DOCK3: variants seen among roughly 807,000 people sequenced by gnomAD.
DOCK3 encodes the protein dedicator of cytokinesis protein 3.
In DOCK3, 60 loss-of-function variants were observed where a neutral mutation model predicts 265.6. That is an observed-to-expected ratio of 0.23 (90% CI 0.18 to 0.28). The LOEUF (loss-of-function observed/expected upper bound fraction) is 0.28, where lower values mean the gene tolerates loss of function less well. Ranked by LOEUF, DOCK3 falls within the 10% of genes least tolerant of loss-of-function variation. DOCK3 has a pLI of 1.00. For missense variants in DOCK3, 1,981 were observed against 2,594.3 expected (o/e 0.76, Z 5.14); for synonymous variants, 881 against 938.0 (o/e 0.94, Z 1.11).
rs994384358 is a variant in DOCK3 at position 50,677,893 on chromosome 3, G to A, written c.37+2593G>A. Among the ~76,000 whole-genome samples, 46 of 152,092 alleles carry A rather than the reference G, an allele frequency of 3.0e-4. 1 individual carries two copies. The highest frequency in any genetic ancestry group is 2.1e-4 in the Non-Finnish European group (14 of 68,010). Reference sequence around the variant, plus strand: ...TGATGACTGAGCCCCCCTTTCCATTGTAATATTCTGTGAGTGATTTTAGGC... The same window carrying A: ...TGATGACTGAGCCCCCCTTTCCATTATAATATTCTGTGAGTGATTTTAGGC... On this transcript the variant is annotated intron_variant, in intron 1 of 52. Transcript: ENST00000266037.
rs190201709 is a variant in DOCK3 at position 50,886,208 on chromosome 3, A to T, written c.163-3818A>T. 2.9e-4 allele frequency among the ~76,000 whole-genome samples: 40 copies of T among 136,928 alleles called. 1 individual carries two copies. The highest frequency in any genetic ancestry group is 1.9e-3 in the Admixed American group (26 of 13,452). The allele number at this position is 136,928 out of a possible 152,430, so 89.8% of individuals were successfully genotyped here. The stretch of plus-strand genomic sequence containing the variant: ...TGGAGATATATATATATATATATAT[A>T]TTCCAGAGTTTTTAGGTATGCACTA... On this transcript the variant is annotated intron_variant, in intron 3 of 52. Transcript: ENST00000266037.
chr3:50,839,776 C>T (rs2045728476), intron 2 of DOCK3, among the ~76,000 whole-genome samples: 1 of 126,592 alleles, frequency 7.9e-6, no homozygotes, highest in Non-Finnish European at 1.7e-5. Flanking sequence ...CTCCTCTCCT[C>T]TTCTTTTTTT....
At chr3:51,304,448 T>TCCTCC (rs1249300894) in intron 27 of DOCK3, among the ~76,000 whole-genome samples, 13 of 151,418 alleles carry the variant, frequency 8.6e-5, no homozygotes, top group African/African-American at 1.5e-4. Context: ...CCCCTCCCCC[T>TCCTCC]CCTCCCCTGC....
At chr3:50,778,234 T>C (rs1454761697) in intron 1 of DOCK3, among the ~76,000 whole-genome samples, 4 of 152,338 alleles carry the variant, frequency 2.6e-5, no homozygotes, top group African/African-American at 7.2e-5. Flanking sequence ...ATTTTTATCA[T>C]GAGAATTCTG....
intron 27 of DOCK3, among the ~76,000 whole-genome samples, chr3:51,285,038 T>C (rs2081333759): frequency 6.6e-6 from 1 of 152,190 alleles, no homozygotes; most frequent in South Asian, 2.1e-4. Flanking sequence ...CTTTTAACAT[T>C]TGCAGCTACA....
intron 12 of DOCK3, among the ~76,000 whole-genome samples, chr3:51,178,470 A>G (rs566921772): frequency 1.3e-5 from 2 of 152,168 alleles, no homozygotes; most frequent in African/African-American, 4.8e-5. Context: ...TCACACCCCC[A>G]TTCTGGAGGA....
intron 12 of DOCK3, among the ~76,000 whole-genome samples, chr3:51,178,652 G>A (rs1345179454): frequency 6.6e-6 from 1 of 152,146 alleles, no homozygotes; most frequent in Non-Finnish European, 1.5e-5. Context: ...CACAGGGATA[G>A]AAGAGTCATT....
In DOCK3 at chr3:51,249,541, G is replaced by T. The variant is rs1443482184; in HGVS notation, c.2184+2734G>T. ...CCCGCCCGGCCAGCCGCCCGGTCCG[G>T]GAGGGAGGTGGGCGGGTCAGCCCCC... On this transcript the variant is annotated intron_variant, in intron 22 of 52. Transcript: ENST00000266037. Among the ~76,000 whole-genome samples, 87 of 103,574 alleles carry T rather than the reference G, an allele frequency of 8.4e-4. 6 individuals are homozygous for T. The highest frequency in any genetic ancestry group is 1.6e-3 in the Non-Finnish European group (74 of 46,948). The allele number at this position is 103,574 out of a possible 152,430, so 67.9% of individuals were successfully genotyped here.
At chr3:50,724,472 A>C (rs1322635959) in intron 1 of DOCK3, among the ~76,000 whole-genome samples, 1 of 152,252 alleles carries the variant, frequency 6.6e-6, no homozygotes, top group Non-Finnish European at 1.5e-5. Context: ...CTGGATAAAG[A>C]AAATGTAGCA....
intron 27 of DOCK3, among the ~76,000 whole-genome samples, chr3:51,289,223 T>C (rs1412806183): frequency 6.6e-6 from 1 of 152,134 alleles, no homozygotes; most frequent in Non-Finnish European, 1.5e-5. Flanking sequence ...TTCTCACTTA[T>C]AAGTGGGAGC....
At chr3:51,034,613 C>G (rs953569512) in intron 5 of DOCK3, among the ~76,000 whole-genome samples, 2 of 151,866 alleles carry the variant, frequency 1.3e-5, no homozygotes, top group Non-Finnish European at 2.9e-5. Context: ...ATGGTTTTTT[C>G]TTTAATCAAT....
At position 51,016,423 on chromosome 3, in the gene DOCK3, C is replaced by CATATATATATCATATATTTCTACATATG. The variant is rs1559943426; in HGVS notation, c.316-47998_316-47971dup. ...TACATATATATATCATATATTTCTA[C>CATATATATATCATATATTTCTACATATG]ATATATATATCATATATTTCTACAT... On this transcript the variant is annotated intron_variant, in intron 5 of 52. Coordinates refer to ENST00000266037, the MANE Select transcript of DOCK3 (RefSeq NM_004947.5). Among the ~76,000 whole-genome samples, 2 of 794 alleles carry CATATATATATCATATATTTCTACATATG rather than the reference C, an allele frequency of 2.5e-3. 1 individual carries two copies. The highest frequency in any genetic ancestry group is 3.2e-3 in the Non-Finnish European group (2 of 616). 0.5% of individuals were successfully genotyped at this position (794 alleles called of 152,430 possible).
At chr3:50,705,122 G>T (rs567044494) in intron 1 of DOCK3, among the ~76,000 whole-genome samples, 1 of 147,638 alleles carries the variant, frequency 6.8e-6, no homozygotes, top group Non-Finnish European at 1.5e-5. Context: ...TAGTGGTAAC[G>T]TTTGACTCTT....
intron 5 of DOCK3, among the ~76,000 whole-genome samples, chr3:50,934,518 C>T (rs563742943): frequency 6.6e-6 from 1 of 152,196 alleles, no homozygotes; most frequent in South Asian, 2.1e-4. Context: ...TTTGCTGGCC[C>T]AAAAAATTAA....
At chr3:51,264,919 T>G (rs1205994214) in intron 23 of DOCK3, among the ~76,000 whole-genome samples, 1 of 151,906 alleles carries the variant, frequency 6.6e-6, no homozygotes, top group Non-Finnish European at 1.5e-5. Context: ...TGGAAGCTGG[T>G]TTTTTGAAAA....
intron 5 of DOCK3, among the ~76,000 whole-genome samples, chr3:50,937,275 C>CT (rs1553708420): frequency 7.8e-5 from 2 of 25,592 alleles, no homozygotes; most frequent in Non-Finnish European, 3.0e-4. Flanking sequence ...AAAACTCCAT[C>CT]TAAAAAAAAA....
At chr3:50,688,663 A>G (rs957830192) in intron 1 of DOCK3, among the ~76,000 whole-genome samples, 2 of 152,118 alleles carry the variant, frequency 1.3e-5, no homozygotes, top group Non-Finnish European at 2.9e-5. Context: ...GAGTTTCACC[A>G]TGTTGGCTAG....
chr3:50,687,979 G>A (rs966576018), intron 1 of DOCK3, among the ~76,000 whole-genome samples: 1 of 152,156 alleles, frequency 6.6e-6, no homozygotes, highest in African/African-American at 2.4e-5. Flanking sequence ...GCATACTACA[G>A]TGACTCAATC....
At chr3:50,931,061 G>A (rs2051040779) in intron 4 of DOCK3, among the ~76,000 whole-genome samples, 1 of 152,286 alleles carries the variant, frequency 6.6e-6, no homozygotes. Flanking sequence ...CCTGGAGGTA[G>A]GGCACGGGAG....
Sources: gnomAD v4.1 joint callset for allele counts (sites outside exome capture counted in the v4.1 genomes callset) on GRCh38, gnomAD v4.1.1 for gene constraint, MANE v1.5 for transcripts, NCBI Gene and HGNC (gene_info 2026-07-23, HGNC 2026-07-21) for gene names.